Variants in PDE1A observed in about 807,000 individuals in gnomAD.
PDE1A encodes phosphodiesterase 1A.
In PDE1A, 35 loss-of-function variants were observed where a neutral mutation model predicts 61.7. That is an observed-to-expected ratio of 0.57 (90% CI 0.43 to 0.75). PDE1A has a LOEUF of 0.75. PDE1A is among the 30% of genes least tolerant of loss of function. The probability of loss-of-function intolerance (pLI) is 0.00; values close to 1 mark genes in which losing one functional copy is unlikely to be tolerated. For synonymous variants in PDE1A, 232 were observed against 213.2 expected (o/e 1.09, Z -0.77); for missense variants, 597 against 630.6 (o/e 0.95, Z 0.57).
chr2:182,606,899 C>G, the PDE1A span, among the ~76,000 whole-genome samples: 1 of 152,198 alleles, frequency 6.6e-6, no homozygotes, highest in Non-Finnish European at 1.5e-5. Flanking sequence ...GGTCCTGCTG[C>G]TCACTGTGCA....
intron 2 of PDE1A, among the ~76,000 whole-genome samples, chr2:182,457,030 T>C (rs1685969072): frequency 6.6e-6 from 1 of 152,092 alleles, no homozygotes. Flanking sequence ...ACAGTAAGTA[T>C]GAATGCCTTT....
At chr2:182,426,580 A>G in exon 1 of PDE1A, 2 of 1,605,530 alleles carry the variant, frequency 1.2e-6, no homozygotes, top group East Asian at 2.2e-5. Context: ...TTACTTACCT[A>G]AAGATGGGTC....
the PDE1A span, among the ~76,000 whole-genome samples, chr2:182,547,978 A>T: frequency 6.6e-6 from 1 of 152,194 alleles, no homozygotes; most frequent in Non-Finnish European, 1.5e-5. Context: ...AGATGTGTAG[A>T]TATGGGAATT....
Position 182,460,815 on chromosome 2 carries a change from T to A in PDE1A, c.101+61461A>T, listed in dbSNP as rs538073303. 2.9e-4 allele frequency among the ~76,000 whole-genome samples: 44 copies of A among 152,314 alleles called. No homozygotes were observed. The South Asian group carries it at 6.2e-3, about 22-fold the overall frequency. Reference sequence around the variant, plus strand: ...ATGAGAGAGAATGTTATCATTTTATTAGGTTGGTGCAAAAGTAATTGTAGT... The same window carrying A: ...ATGAGAGAGAATGTTATCATTTTATAAGGTTGGTGCAAAAGTAATTGTAGT... On this transcript the variant is annotated intron_variant, in intron 2 of 14. Transcript: ENST00000410103.
the PDE1A span, among the ~76,000 whole-genome samples, chr2:182,607,457 G>A: frequency 1.3e-5 from 2 of 152,108 alleles, no homozygotes; most frequent in Non-Finnish European, 2.9e-5. Flanking sequence ...CATAGTGGGG[G>A]ATTGGTTCCA....
chr2:182,479,793 C>G (rs1183622535), intron 2 of PDE1A, among the ~76,000 whole-genome samples: 1 of 151,730 alleles, frequency 6.6e-6, no homozygotes, highest in African/African-American at 2.4e-5. Flanking sequence ...TCTTGCATTA[C>G]AATTTCTTGC....
intron 2 of PDE1A, among the ~76,000 whole-genome samples, chr2:182,255,951 C>T (rs1284549630): frequency 4.0e-5 from 6 of 151,204 alleles, no homozygotes; most frequent in Non-Finnish European, 7.4e-5. Flanking sequence ...GGATTACATG[C>T]GTGAGCCACC....
At chr2:182,374,928 T>C (rs917659546) in intron 1 of PDE1A, among the ~76,000 whole-genome samples, 2 of 152,166 alleles carry the variant, frequency 1.3e-5, no homozygotes, top group African/African-American at 4.8e-5. Context: ...TCGTCTTACA[T>C]GGATGGCAGC....
chr2:182,632,124 C>A, the PDE1A span, among the ~76,000 whole-genome samples: 1 of 151,942 alleles, frequency 6.6e-6, no homozygotes, highest in South Asian at 2.1e-4. Flanking sequence ...AGGAAGAAAA[C>A]CTTTAGGATA....
exon 15 of PDE1A, chr2:182,141,505 T>G (rs983285188): frequency 6.6e-6 from 1 of 152,204 alleles, no homozygotes. Flanking sequence ...TTGCACAAGA[T>G]TCAGGTGAAA....
intron 13 of PDE1A, among the ~76,000 whole-genome samples, chr2:182,148,387 C>T (rs569372481): frequency 1.3e-5 from 2 of 152,286 alleles, no homozygotes; most frequent in Non-Finnish European, 2.9e-5. Context: ...CTAAGAGGAG[C>T]AGCAGTGTTG....
At chr2:182,586,627 T>A in the PDE1A span, among the ~76,000 whole-genome samples, 1 of 152,140 alleles carries the variant, frequency 6.6e-6, no homozygotes, top group African/African-American at 2.4e-5. Context: ...TTATAGGATG[T>A]TTACATCCTA....
the PDE1A span, among the ~76,000 whole-genome samples, chr2:182,710,734 A>G: frequency 6.6e-6 from 1 of 152,062 alleles, no homozygotes; most frequent in Non-Finnish European, 1.5e-5. Flanking sequence ...TATATACCAC[A>G]TTTTCTTTAT....
chr2:182,583,787 C>T, the PDE1A span, among the ~76,000 whole-genome samples: 1 of 152,194 alleles, frequency 6.6e-6, no homozygotes, highest in African/African-American at 2.4e-5. Context: ...TCTTTGCCTT[C>T]ATTATACAAT....
intron 1 of PDE1A, among the ~76,000 whole-genome samples, chr2:182,270,508 T>C (rs539226306): frequency 2.6e-5 from 4 of 151,876 alleles, no homozygotes; most frequent in Admixed American, 6.6e-5. Context: ...AATTTTAGGA[T>C]ACAAAATACC....
At chr2:182,189,793 T>A (rs920462290) in intron 10 of PDE1A, among the ~76,000 whole-genome samples, 17 of 152,180 alleles carry the variant, frequency 1.1e-4, no homozygotes, top group African/African-American at 3.4e-4. Context: ...ACCTCTAATA[T>A]CACAAGGTTT....
chr2:182,214,467 GGC>G (rs1687974370), intron 7 of PDE1A, among the ~76,000 whole-genome samples: 1 of 151,800 alleles, frequency 6.6e-6, no homozygotes, highest in South Asian at 2.1e-4. Flanking sequence ...GACACAGACT[GGC>G]AAATTGGATA....
intron 1 of PDE1A, among the ~76,000 whole-genome samples, chr2:182,408,242 C>G (rs1423831187): frequency 6.7e-6 from 1 of 149,520 alleles, no homozygotes; most frequent in Non-Finnish European, 1.5e-5. Context: ...TTTTCCCACA[C>G]TATTACTCCA....
chr2:182,441,819 C>T (rs949085278), intron 2 of PDE1A, among the ~76,000 whole-genome samples: 10 of 151,974 alleles, frequency 6.6e-5, no homozygotes, highest in African/African-American at 2.4e-4. Context: ...AAATCTGGGA[C>T]AATCTGAGCA....
Sources: gnomAD v4.1 joint callset for allele counts (sites outside exome capture counted in the v4.1 genomes callset) on GRCh38, gnomAD v4.1.1 for gene constraint, MANE v1.5 for transcripts, NCBI Gene and HGNC (gene_info 2026-07-23, HGNC 2026-07-21) for gene names.